CACNA1A: variants seen among roughly 807,000 people sequenced by gnomAD.
The protein encoded by CACNA1A is voltage-dependent P/Q-type calcium channel subunit alpha-1A.
CACNA1A carries 57 observed loss-of-function variants against 262.4 expected under a neutral mutation model. That is an observed-to-expected ratio of 0.22 (90% CI 0.18 to 0.27). The LOEUF is 0.27. Among genes scored for constraint, CACNA1A ranks in the 10% least tolerant of loss-of-function variants. CACNA1A has a pLI of 1.00. For synonymous variants in CACNA1A, 1,431 were observed against 1,419.3 expected, an observed-to-expected ratio of 1.01 and a Z score of -0.18; for missense variants, 2,526 against 3,562.8, an observed-to-expected ratio of 0.71 and a Z score of 7.41.
chr19:13,275,959 G>A lies in CACNA1A; in HGVS notation c.3883-3C>T. Reference sequence around the variant, plus strand: ...AGGACGAGCCCCAGGTCAATCATCTGTGGGGGAGAAGAGAGGGTGCTCAGA... The same window carrying A: ...AGGACGAGCCCCAGGTCAATCATCTATGGGGGAGAAGAGAGGGTGCTCAGA... On this transcript the variant is annotated splice_region_variant and splice_polypyrimidine_tract_variant and intron_variant, in intron 23 of 46. Coordinates refer to ENST00000360228, the MANE Select transcript of CACNA1A (RefSeq NM_001127222.2). 3.1e-6 allele frequency: 5 copies of A among 1,603,630 alleles called. 1 individual carries two copies. The African/African-American group carries it at 6.7e-5, about 21-fold the overall frequency.
chr19:13,279,829 G>A (rs140445187), intron 22 of CACNA1A, among the ~76,000 whole-genome samples: 9 of 151,668 alleles, frequency 5.9e-5, no homozygotes, highest in Non-Finnish European at 1.0e-4. Flanking sequence ...ATATTTTGGA[G>A]ACAGGGTCTC....
intron 1 of CACNA1A, among the ~76,000 whole-genome samples, chr19:13,471,429 C>T (rs1396445269): frequency 2.0e-5 from 3 of 152,140 alleles, no homozygotes; most frequent in African/African-American, 4.8e-5. Flanking sequence ...CCTAAGAGAC[C>T]TTCCCAGTTC....
chr19:13,421,488 A>G (rs1390258015), intron 3 of CACNA1A, among the ~76,000 whole-genome samples: 1 of 152,132 alleles, frequency 6.6e-6, no homozygotes, highest in African/African-American at 2.4e-5. Flanking sequence ...GTGGAAGAGC[A>G]CTGCTATGGT....
At chr19:13,248,710 G>A (rs983020224) in intron 30 of CACNA1A, among the ~76,000 whole-genome samples, 1 of 152,050 alleles carries the variant, frequency 6.6e-6, no homozygotes, top group African/African-American at 2.4e-5. Context: ...GGGCGTGATG[G>A]TGGGCGCCTG....
chr19:13,441,763 C>A (rs1041883791), intron 3 of CACNA1A, among the ~76,000 whole-genome samples: 2 of 152,168 alleles, frequency 1.3e-5, no homozygotes, highest in Admixed American at 1.3e-4. Context: ...AGCCACCTCC[C>A]TGCCCTGGTG....
chr19:13,324,519 G>T (rs10402096), intron 10 of CACNA1A, among the ~76,000 whole-genome samples: 1 of 152,096 alleles, frequency 6.6e-6, no homozygotes, highest in South Asian at 2.1e-4. Flanking sequence ...ATTCTATGAT[G>T]TATACATAGA....
chr19:13,329,753 G>A (rs887251010), intron 10 of CACNA1A, among the ~76,000 whole-genome samples: 1 of 148,858 alleles, frequency 6.7e-6, no homozygotes, highest in Non-Finnish European at 1.5e-5. Flanking sequence ...GATTACAGGC[G>A]TGAGCCACTG....
At chr19:13,245,142 A>T (rs1210074080) in intron 31 of CACNA1A, 40 bp downstream of exon 31, 1 of 1,541,230 alleles carries the variant, frequency 6.5e-7, no homozygotes, top group East Asian at 2.2e-5. Flanking sequence ...TGCCTCGTCC[A>T]GCCCAGAGTC....
intron 19 of CACNA1A, among the ~76,000 whole-genome samples, chr19:13,290,767 A>T (rs1355907632): frequency 6.6e-6 from 1 of 152,116 alleles, no homozygotes; most frequent in East Asian, 1.9e-4. Context: ...ATATATATAC[A>T]CATTTCAGAG....
chr19:13,438,088 T>C (rs2060645375), intron 3 of CACNA1A, among the ~76,000 whole-genome samples: 1 of 151,440 alleles, frequency 6.6e-6, no homozygotes. Flanking sequence ...GGCCCTCTGC[T>C]CTCAGCAGAG....
chr19:13,398,440 T>C (rs2190910), intron 3 of CACNA1A, among the ~76,000 whole-genome samples: 12,493 of 152,186 alleles, frequency 0.082, 1,130 homozygotes, highest in African/African-American at 0.23. Flanking sequence ...AAATTGTCAG[T>C]TTCATGAGAC....
At chr19:13,307,143 T>G (rs1368757922) in intron 15 of CACNA1A, 1 of 152,100 alleles carries the variant, frequency 6.6e-6, no homozygotes, top group African/African-American at 2.4e-5. Context: ...ATTATTTTTT[T>G]GCAGAGACGG....
chr19:13,401,329 C>A (rs776688256), intron 3 of CACNA1A, among the ~76,000 whole-genome samples: 5 of 152,226 alleles, frequency 3.3e-5, no homozygotes, highest in Non-Finnish European at 7.3e-5. Context: ...TTTAACGGCT[C>A]TGGGTTTCCA....
intron 38 of CACNA1A, 44 bp downstream of exon 38, chr19:13,224,623 C>T (rs776425339): frequency 2.2e-6 from 3 of 1,378,492 alleles, no homozygotes; most frequent in East Asian, 4.9e-5. Flanking sequence ...TCCCCGGTTC[C>T]ACCCTGTCAC....
chr19:13,353,109 C>T (rs1280524226), intron 6 of CACNA1A, among the ~76,000 whole-genome samples: 5 of 150,412 alleles, frequency 3.3e-5, no homozygotes, highest in Admixed American at 1.3e-4. Context: ...TTCTCCCACT[C>T]ATCATTTTTT....
intron 10 of CACNA1A, among the ~76,000 whole-genome samples, chr19:13,324,180 T>TA (rs889674292): frequency 6.6e-5 from 10 of 151,820 alleles, no homozygotes; most frequent in Non-Finnish European, 1.2e-4. Context: ...AGCTTAAAAC[T>TA]AAAAAAAATT....
At position 13,219,534 on chromosome 19, in the gene CACNA1A, C is replaced by G. The variant is rs1009161529; in HGVS notation, c.5732-4926G>C. Among the ~76,000 whole-genome samples, 18 of 152,082 alleles carry G rather than the reference C, an allele frequency of 1.2e-4. 1 individual carries two copies. The highest frequency in any genetic ancestry group is 2.0e-4 in the Admixed American group (3 of 15,232). ...ACAAAGAGTGGGGGTGTTGTTAGAC[C>G]CGTTGTACAAACGAAGGAACTGTGG... On this transcript the variant is annotated intron_variant, in intron 38 of 46. Transcript: ENST00000360228.
chr19:13,273,340 G>A (rs567636568), intron 24 of CACNA1A: 11 of 152,068 alleles, frequency 7.2e-5, no homozygotes, highest in East Asian at 1.9e-4. Flanking sequence ...GGGGTGCGGC[G>A]GGAACAGTGC....
At chr19:13,275,741 C>T in intron 24 of CACNA1A, 109 bp downstream of exon 24, 1 of 768,584 alleles carries the variant, frequency 1.3e-6, no homozygotes. Context: ...TCCCCGGAGC[C>T]CACACACCCC....
Sources: allele counts gnomAD v4.1 joint callset (sites outside exome capture counted in the v4.1 genomes callset), GRCh38; gene constraint gnomAD v4.1.1; transcripts MANE v1.5; gene names NCBI Gene and HGNC (gene_info 2026-07-23, HGNC 2026-07-21).